RBFOX1: variants seen among roughly 807,000 people sequenced by gnomAD.
RBFOX1 encodes RNA binding fox-1 homolog 1.
A neutral mutation model predicts 57.7 loss-of-function variants in RBFOX1; 8 were observed. The ratio of observed to expected loss-of-function variants is 0.14; its 90% confidence interval spans 0.08 to 0.25. The LOEUF is 0.25. Ranked by LOEUF, RBFOX1 falls within the 10% of genes least tolerant of loss-of-function variation. RBFOX1 has a pLI of 1.00. For synonymous variants in RBFOX1, 326 were observed against 222.4 expected, an observed-to-expected ratio of 1.47 and a Z score of -4.15; for missense variants, 611 against 548.5, an observed-to-expected ratio of 1.11 and a Z score of -1.14.
At chr16:6,529,599 C>A (rs955819060) in intron 2 of RBFOX1, among the ~76,000 whole-genome samples, 8 of 151,218 alleles carry the variant, frequency 5.3e-5, no homozygotes, top group Admixed American at 5.3e-4. Flanking sequence ...ATTATTTATC[C>A]TAAATGTAAC....
intron 5 of RBFOX1, among the ~76,000 whole-genome samples, chr16:7,572,074 C>T (rs1242699408): frequency 6.6e-6 from 1 of 152,098 alleles, no homozygotes; most frequent in Non-Finnish European, 1.5e-5. Flanking sequence ...TTGCAGTGAA[C>T]CAAGATCGCA....
intron 4 of RBFOX1, among the ~76,000 whole-genome samples, chr16:7,098,615 A>G (rs1009358196): frequency 3.9e-5 from 6 of 152,118 alleles, no homozygotes; most frequent in African/African-American, 9.7e-5. Flanking sequence ...CAGGAAATTC[A>G]TTGGTTTCTT....
chr16:6,683,561 A>G (rs955064058), intron 3 of RBFOX1, among the ~76,000 whole-genome samples: 4 of 152,200 alleles, frequency 2.6e-5, no homozygotes, highest in African/African-American at 9.7e-5. Flanking sequence ...TTACAAATAT[A>G]TACGTTTGCA....
chr16:7,639,127 TG>T (rs1300413113), intron 11 of RBFOX1, among the ~76,000 whole-genome samples: 1 of 152,190 alleles, frequency 6.6e-6, no homozygotes, highest in African/African-American at 2.4e-5. Flanking sequence ...TAGTTTTGCT[TG>T]CACAATGATC....
intron 14 of RBFOX1, among the ~76,000 whole-genome samples, chr16:7,695,339 A>C (rs377421768): frequency 6.6e-6 from 1 of 152,154 alleles, no homozygotes; most frequent in Non-Finnish European, 1.5e-5. Context: ...CTCAGTCAAC[A>C]AAGGTTGTAA....
intron 4 of RBFOX1, among the ~76,000 whole-genome samples, chr16:5,874,621 T>G (rs1295277412): frequency 2.6e-5 from 4 of 152,030 alleles, no homozygotes; most frequent in African/African-American, 4.8e-5. Flanking sequence ...ACTTCCCCAG[T>G]GAATAGCAGA....
At chr16:6,216,263 T>C (rs908129553) in intron 1 of RBFOX1, among the ~76,000 whole-genome samples, 2 of 151,980 alleles carry the variant, frequency 1.3e-5, no homozygotes, top group African/African-American at 4.8e-5. Context: ...AACCTGCACA[T>C]ATACCCCTGA....
chr16:6,212,318 A>G (rs1187001127), intron 1 of RBFOX1, among the ~76,000 whole-genome samples: 1 of 152,220 alleles, frequency 6.6e-6, no homozygotes, highest in Non-Finnish European at 1.5e-5. Context: ...TATAGGTAAC[A>G]TACTATATAT....
chr16:7,394,943 G>T (rs2098117198), intron 4 of RBFOX1, among the ~76,000 whole-genome samples: 1 of 152,184 alleles, frequency 6.6e-6, no homozygotes, highest in South Asian at 2.1e-4. Flanking sequence ...ATGCACGCAT[G>T]TGAGAATATA....
chr16:5,896,371 A>T (rs1249877105), intron 4 of RBFOX1, among the ~76,000 whole-genome samples: 2 of 151,912 alleles, frequency 1.3e-5, no homozygotes, highest in African/African-American at 4.8e-5. Context: ...GGGTGGGAGG[A>T]TAGTGAGTTC....
chr16:5,659,595 G>A (rs984258210), intron 3 of RBFOX1, among the ~76,000 whole-genome samples: 13 of 152,106 alleles, frequency 8.5e-5, no homozygotes, highest in African/African-American at 2.7e-4. Flanking sequence ...GAGCCACACC[G>A]TGCCTGGCCG....
intron 4 of RBFOX1, among the ~76,000 whole-genome samples, chr16:7,346,679 C>T (rs1312654443): frequency 6.6e-6 from 1 of 151,978 alleles, no homozygotes; most frequent in African/African-American, 2.4e-5. Context: ...GCCCTGTTAT[C>T]AGAGACAAGT....
chr16:7,522,430 A>G (rs918892704), intron 5 of RBFOX1, among the ~76,000 whole-genome samples: 2 of 152,306 alleles, frequency 1.3e-5, no homozygotes, highest in Non-Finnish European at 2.9e-5. Flanking sequence ...CTGAGAAGAC[A>G]TTATTGAAGT....
intron 4 of RBFOX1, among the ~76,000 whole-genome samples, chr16:7,489,397 A>T (rs1050736952): frequency 6.6e-6 from 1 of 152,204 alleles, no homozygotes; most frequent in Non-Finnish European, 1.5e-5. Flanking sequence ...TCCTAATGCC[A>T]AGTACTTTAT....
intron 3 of RBFOX1, among the ~76,000 whole-genome samples, chr16:6,683,129 G>C (rs1277798734): frequency 1.3e-5 from 2 of 152,076 alleles, no homozygotes. Flanking sequence ...TGATGAAAGA[G>C]CTAACTAGCA....
At chr16:6,934,487 G>A (rs2077050032) in intron 3 of RBFOX1, among the ~76,000 whole-genome samples, 2 of 152,110 alleles carry the variant, frequency 1.3e-5, no homozygotes, top group South Asian at 2.1e-4. Flanking sequence ...CTGTCCATCA[G>A]TGGGCTAATG....
chr16:5,978,449 C>T (rs960349392), intron 4 of RBFOX1, among the ~76,000 whole-genome samples: 24 of 152,236 alleles, frequency 1.6e-4, no homozygotes, highest in Admixed American at 1.3e-3. Flanking sequence ...CGACTGATAA[C>T]GTCATCCATC....
intron 1 of RBFOX1, among the ~76,000 whole-genome samples, chr16:5,323,739 C>G (rs1242665465): frequency 6.6e-6 from 1 of 152,116 alleles, no homozygotes; most frequent in Non-Finnish European, 1.5e-5. Flanking sequence ...TCATCTTCAA[C>G]AAAACCGATT....
At chr16:6,943,329 G>C (rs1392626588) in intron 3 of RBFOX1, among the ~76,000 whole-genome samples, 1 of 152,182 alleles carries the variant, frequency 6.6e-6, no homozygotes, top group Admixed American at 6.5e-5. Context: ...GCTTGAAAAG[G>C]ACTGCATACT....
Sources: gnomAD v4.1 joint callset for allele counts (sites outside exome capture counted in the v4.1 genomes callset) on GRCh38, gnomAD v4.1.1 for gene constraint, MANE v1.5 for transcripts, NCBI Gene and HGNC (gene_info 2026-07-23, HGNC 2026-07-21) for gene names.